PRKN: variants seen among roughly 807,000 people sequenced by gnomAD.
The protein encoded by PRKN is parkin RBR E3 ubiquitin protein ligase.
In PRKN, 56 loss-of-function variants were observed where a neutral mutation model predicts 59.5. The ratio of observed to expected loss-of-function variants is 0.94; its 90% CI spans 0.76 to 1.18. The LOEUF (loss-of-function observed/expected upper bound fraction) is 1.18, where lower values mean the gene tolerates loss of function less well. Ranked by LOEUF, PRKN falls within the 50% of genes most tolerant of loss-of-function variation. The pLI is 0.00. For synonymous variants in PRKN, 250 were observed against 222.1 expected (o/e 1.13, Z -1.12); for missense variants, 657 against 596.4 (o/e 1.10, Z -1.06).
chr6:162,638,036 T>C (rs1000993639), intron 1 of PRKN, among the ~76,000 whole-genome samples: 8 of 100,862 alleles, frequency 7.9e-5, no homozygotes, highest in African/African-American at 2.2e-4. Flanking sequence ...CAGATTCCTT[T>C]ATATAGTTTC....
At chr6:162,373,031 T>G (rs1249947375) in intron 2 of PRKN, among the ~76,000 whole-genome samples, 1 of 152,096 alleles carries the variant, frequency 6.6e-6, no homozygotes, top group East Asian at 1.9e-4. Flanking sequence ...TCAATTCCCT[T>G]CCCTAGCACT....
At chr6:162,596,099 T>C (rs544622056) in intron 1 of PRKN, among the ~76,000 whole-genome samples, 2 of 152,272 alleles carry the variant, frequency 1.3e-5, no homozygotes, top group African/African-American at 4.8e-5. Context: ...GTCAAGACTG[T>C]AGACATCTCA....
intron 4 of PRKN, among the ~76,000 whole-genome samples, chr6:162,154,132 G>A (rs1018053025): frequency 6.6e-6 from 1 of 152,038 alleles, no homozygotes; most frequent in African/African-American, 2.4e-5. Flanking sequence ...CCTAGGGCAG[G>A]TCGAGGAACT....
chr6:162,100,024 T>C (rs780396385), intron 4 of PRKN, among the ~76,000 whole-genome samples: 1 of 152,228 alleles, frequency 6.6e-6, no homozygotes, highest in Non-Finnish European at 1.5e-5. Flanking sequence ...AACCGTGCAA[T>C]ATTTGTTTTT....
chr6:162,387,974 G>A lies in PRKN; in HGVS notation c.171+55336C>T, dbSNP rs550485267. On this transcript the variant is annotated intron_variant, in intron 2 of 11. Transcript: ENST00000366898. ...ACACAACAGTGAACGTGACAGACAA[G>A]GTCCTTGTAAAACACACGGTCTCGT... Among the ~76,000 whole-genome samples the A allele has an allele frequency of 1.6e-3, 249 of 152,252 alleles. 1 individual carries two copies. The highest frequency in any genetic ancestry group is 3.4e-3 in the Middle Eastern group (1 of 294).
At chr6:162,169,684 C>T (rs1186806309) in intron 4 of PRKN, among the ~76,000 whole-genome samples, 3 of 152,176 alleles carry the variant, frequency 2.0e-5, no homozygotes, top group South Asian at 2.1e-4. Context: ...TCTACTAATA[C>T]ATTAGCCTTA....
intron 4 of PRKN, among the ~76,000 whole-genome samples, chr6:162,121,025 C>T (rs562085674): frequency 1.2e-4 from 18 of 152,316 alleles, no homozygotes; most frequent in Non-Finnish European, 2.1e-4. Context: ...TGGCAGTTTA[C>T]ACCTTTTGAT....
At position 161,386,992 on chromosome 6, in the gene PRKN, G is replaced by A. The variant is rs1022551831; in HGVS notation, c.1084-115C>T. ...TCCTCTGGCTTGTGCAACAGTTTCT[G>A]TATAAAAATACTTTTTTTGCAAAGA... On this transcript the variant is annotated intron_variant, in intron 9 of 11. Coordinates refer to ENST00000366898, the MANE Select transcript of PRKN (RefSeq NM_004562.3). The surrounding 1 kb of genome is among the most constrained non-coding windows in gnomAD (Gnocchi z 4.3). 1.2e-6 allele frequency: 1 copy of A among 840,988 alleles called. No homozygotes were observed. The highest frequency in any genetic ancestry group is 2.0e-6 in the Non-Finnish European group (1 of 489,492). The allele number at this position is 840,988 out of a possible 1,614,324, so 52.1% of individuals were successfully genotyped here. A position where few individuals can be genotyped will look rare whatever the true frequency, so the allele number is the denominator to read the frequency against.
At chr6:162,534,137 T>C (rs192387242) in intron 1 of PRKN, among the ~76,000 whole-genome samples, 240 of 152,310 alleles carry the variant, frequency 1.6e-3, no homozygotes, top group Admixed American at 4.3e-3. Flanking sequence ...GAGTTGCCTA[T>C]TGAAGAAAAG....
At chr6:162,547,323 G>A (rs1223380383) in intron 1 of PRKN, among the ~76,000 whole-genome samples, 1 of 152,124 alleles carries the variant, frequency 6.6e-6, no homozygotes, top group Non-Finnish European at 1.5e-5. Context: ...AGCATTTACT[G>A]AGGGCATGGC....
intron 6 of PRKN, among the ~76,000 whole-genome samples, chr6:161,839,898 A>C (rs1290978575): frequency 1.3e-5 from 2 of 152,196 alleles, no homozygotes; most frequent in African/African-American, 4.8e-5. Flanking sequence ...GTTTTAAGGG[A>C]GCTTTAGCAA....
rs9458255 is a variant in PRKN at position 161,442,738 on chromosome 6, G to A, written c.1084-55861C>T. 0.14 allele frequency among the ~76,000 whole-genome samples: 20,777 copies of A among 152,268 alleles called. 1,649 individuals carry two copies. The highest frequency in any genetic ancestry group is 0.2 in the African/African-American group (8,234 of 41,544). On this transcript the variant is annotated intron_variant, in intron 9 of 11. Transcript: ENST00000366898. This position sits in a 1 kb window ranked among gnomAD's most constrained non-coding sequence, Gnocchi z 4.6. ...CCCATGAATGCTTTTCAACGAAGTT[G>A]CTAGAATGCAGCCGTGGAGACGAAC...
intron 5 of PRKN, among the ~76,000 whole-genome samples, chr6:162,036,319 G>A (rs570083556): frequency 1.7e-3 from 255 of 151,694 alleles, no homozygotes; most frequent in Admixed American, 2.8e-3. Context: ...GCGAGACCCC[G>A]TCTCAAAACA....
chr6:161,948,459 G>A (rs559156414), intron 6 of PRKN, among the ~76,000 whole-genome samples: 1 of 152,322 alleles, frequency 6.6e-6, no homozygotes, highest in South Asian at 2.1e-4. Context: ...CAAGTCTACT[G>A]AGGCAGGCAA....
At chr6:162,278,636 T>A (rs1366557291) in intron 2 of PRKN, among the ~76,000 whole-genome samples, 2 of 152,042 alleles carry the variant, frequency 1.3e-5, no homozygotes, top group Non-Finnish European at 2.9e-5. Context: ...AAAGGACAAT[T>A]TGGGAACAAT....
rs1778996708 is a variant in PRKN at position 161,525,804 on chromosome 6, T to G, written c.1083+23050A>C. ...TTATAGATGCTAAAAATGTTCTGTA[T>G]ACTACTTGGCTATAGAATAGCCTAC... On this transcript the variant is annotated intron_variant, in intron 9 of 11. Coordinates refer to ENST00000366898, the MANE Select transcript of PRKN (RefSeq NM_004562.3). The surrounding 1 kb of genome is among the most constrained non-coding windows in gnomAD (Gnocchi z 4.7). 6.6e-6 allele frequency among the ~76,000 whole-genome samples: 1 copy of G among 152,214 alleles called. No individual in the cohort carries two copies. The highest frequency in any genetic ancestry group is 1.5e-5 in the Non-Finnish European group (1 of 68,042).
At chr6:161,735,898 G>A (rs1329245293) in intron 7 of PRKN, among the ~76,000 whole-genome samples, 1 of 151,936 alleles carries the variant, frequency 6.6e-6, no homozygotes. Context: ...CTGGGCAACA[G>A]AGCGAGACTC....
At chr6:161,925,937 G>A (rs537408684) in intron 6 of PRKN, among the ~76,000 whole-genome samples, 2 of 152,210 alleles carry the variant, frequency 1.3e-5, no homozygotes, top group South Asian at 2.1e-4. Context: ...TCCTCCCCAC[G>A]AGACTCATTT....
intron 8 of PRKN, among the ~76,000 whole-genome samples, chr6:161,553,719 T>C (rs1780126824): frequency 6.6e-6 from 1 of 152,214 alleles, no homozygotes; most frequent in Non-Finnish European, 1.5e-5. Context: ...TTTTTTTCAA[T>C]GAACATTTAT....
Sources: gnomAD v4.1 joint callset for allele counts (sites outside exome capture counted in the v4.1 genomes callset) on GRCh38, gnomAD v4.1.1 for gene constraint, Gnocchi (gnomAD v3.1) non-coding constraint, MANE v1.5 for transcripts, NCBI Gene and HGNC (gene_info 2026-07-23, HGNC 2026-07-21) for gene names.